The following MEIOSIN variants were observed in gnomAD, a reference collection of about 807,000 sequenced individuals.
MEIOSIN encodes meiosis initiator, also known as meiosis initiator protein.
In MEIOSIN, 18 loss-of-function variants were observed where a neutral mutation model predicts 23.4. The observed-to-expected ratio is 0.77, with a 90% confidence interval of 0.53 to 1.14. The LOEUF (loss-of-function observed/expected upper bound fraction) is 1.14, where lower values mean the gene tolerates loss of function less well. Among genes scored for constraint, MEIOSIN ranks in the 50% most tolerant of loss-of-function variants. MEIOSIN has a pLI of 0.00. For synonymous variants in MEIOSIN, 187 were observed against 100.6 expected (o/e 1.86, Z -5.14); for missense variants, 428 against 242.9 (o/e 1.76, Z -5.07).
chr19:45,744,405 T>C (rs945675988), intron 3 of MEIOSIN, among the ~76,000 whole-genome samples: 5 of 152,140 alleles, frequency 3.3e-5, no homozygotes, highest in South Asian at 2.1e-4. Context: ...GGCAGTCACA[T>C]AGGGCCCTGT....
intron 14 of MEIOSIN, among the ~76,000 whole-genome samples, chr19:45,763,741 C>T (rs1017495602): frequency 6.6e-5 from 10 of 152,202 alleles, no homozygotes; most frequent in Non-Finnish European, 1.0e-4. Flanking sequence ...CGAATCCTGT[C>T]CCCTCCACCT....
In MEIOSIN at chr19:45,758,908, T is replaced by C. The variant is rs1968888861; in HGVS notation, c.1043T>C (p.Ile348Thr). The change falls in exon 10 of 15, where the codon ATT becomes ACT. Residue 348 changes from isoleucine to threonine, a missense_variant. Transcript: ENST00000457052. ...CCACTGTTCCTGGGGCCTCCCCAGA[T>C]TGATGTCTGGAGTGGAACAGGCCAC... ...GSPLFLGPPQ[I>T]DVWSGTGHPS... is the part of the protein sequence containing the mutation. The C allele has an allele frequency of 1.4e-6, 1 of 703,096 alleles. No homozygotes were observed. The highest frequency in any genetic ancestry group is 1.5e-5 in the South Asian group (1 of 67,610). The allele number at this position is 703,096 out of a possible 1,614,324, so 43.6% of individuals were successfully genotyped here.
intron 7 of MEIOSIN, 80 bp from the exon 8 acceptor site, chr19:45,755,890 G>A: frequency 1.5e-6 from 1 of 650,366 alleles, no homozygotes; most frequent in Non-Finnish European, 2.8e-6. Flanking sequence ...GCAGAAGCTG[G>A]CACCCCTTTG....
rs537183704 is a variant in MEIOSIN, at chr19:45,762,752, T to C, written c.1679+569T>C. Among the ~76,000 whole-genome samples the C allele has an allele frequency of 2.6e-5, 4 of 152,202 alleles. No individual in the cohort carries two copies. The East Asian group carries it at 5.8e-4, about 22-fold the overall frequency. On this transcript the variant is annotated intron_variant, in intron 13 of 14. Transcript: ENST00000457052. ...CATCAGGCCCAGCAAGAAAAGAAAA[T>C]GAATTGGCTTATATAACCTAGAAAA...
At chr19:45,745,772 A>G (rs974180380) in intron 4 of MEIOSIN, among the ~76,000 whole-genome samples, 1 of 152,136 alleles carries the variant, frequency 6.6e-6, no homozygotes, top group African/African-American at 2.4e-5. Context: ...GGGTTTCACC[A>G]TATTGGTCAG....
intron 6 of MEIOSIN, 65 bp from the exon 7 acceptor site, chr19:45,754,414 C>T: frequency 1.5e-6 from 1 of 658,580 alleles, no homozygotes; most frequent in Admixed American, 2.2e-5. Flanking sequence ...CCCACCTGAA[C>T]CCTATTCTGG....
chr19:45,753,757 G>A lies in MEIOSIN; in HGVS notation c.525G>A (p.Lys175=). ...CCTGTCTCCAGGGGGCGTGCCAGAA[G>A]CCTCGGAAGAAGAAGCTGACCCAGG... is the stretch of plus-strand genomic sequence containing the variant. ...QKSCLQGACQ[K]PRKKKLTQAS... Residue 175 remains lysine, a synonymous_variant, in exon 6 of 15, where the codon AAG becomes AAA. Coordinates refer to ENST00000457052, the MANE Select transcript of MEIOSIN (RefSeq NM_001310124.2). 1.4e-6 allele frequency: 1 copy of A among 702,866 alleles called. No homozygotes were observed. Among genetic ancestry groups the A allele is most frequent in the Non-Finnish European group, 2.6e-6 (1 of 384,908 alleles). 43.5% of individuals were successfully genotyped at this position (702,866 alleles called of 1,614,324 possible).
In MEIOSIN at chr19:45,764,162, C is replaced by T. The variant is rs1969011167; in HGVS notation, c.*44C>T. On this transcript the variant is annotated 3_prime_UTR_variant, in exon 15 of 15. Coordinates refer to ENST00000457052, the MANE Select transcript of MEIOSIN (RefSeq NM_001310124.2). ...CGCTCCCCTCACCCCTCATGGCAAC[C>T]GCGGCTCTTGCTGGAAGCCAGGACC... The T allele has an allele frequency of 2.0e-5, 8 of 398,462 alleles. No homozygotes were observed. The highest frequency in any genetic ancestry group is 3.1e-5 in the Non-Finnish European group (7 of 226,032). 24.7% of individuals were successfully genotyped at this position (398,462 alleles called of 1,614,324 possible). A position where few individuals can be genotyped will look rare whatever the true frequency, so the allele number is the denominator to read the frequency against.
rs548806187 is a variant in MEIOSIN, at chr19:45,751,791, C to A, written c.418+1005C>A. Among the ~76,000 whole-genome samples the A allele has an allele frequency of 5.3e-5, 8 of 151,538 alleles. No homozygotes were observed. In the South Asian group the frequency reaches 1.7e-3, roughly 32 times the overall value. Reference sequence around the variant, plus strand: ...TGTTGCGCAGGCTGGAGTGCAGTGGCGTGATCTTGGCTCACCGCAACCTCT... The same window carrying A: ...TGTTGCGCAGGCTGGAGTGCAGTGGAGTGATCTTGGCTCACCGCAACCTCT... On this transcript the variant is annotated intron_variant, in intron 5 of 14. Transcript: ENST00000457052.
chr19:45,738,161 C>T (rs546773277), intron 2 of MEIOSIN, among the ~76,000 whole-genome samples: 3 of 152,194 alleles, frequency 2.0e-5, no homozygotes, highest in Non-Finnish European at 4.4e-5. Flanking sequence ...GATCAGATTT[C>T]TCCCTCCCTC....
intron 4 of MEIOSIN, among the ~76,000 whole-genome samples, chr19:45,745,804 TCAGGCGATCCATCCGCCTTGGCCTCCGA>T (rs1212400313): frequency 2.0e-5 from 3 of 152,204 alleles, no homozygotes; most frequent in African/African-American, 7.2e-5. Flanking sequence ...ATTCCTGACC[TCAGGCGATCCATCCGCCTTGGCCTCCGA>T]AAGTGCTGGG....
chr19:45,744,121 G>A (rs911836099), intron 3 of MEIOSIN, among the ~76,000 whole-genome samples: 1 of 151,522 alleles, frequency 6.6e-6, no homozygotes, highest in Non-Finnish European at 1.5e-5. Flanking sequence ...CCGCCTCTCA[G>A]GTTCAAGCAA....
intron 4 of MEIOSIN, among the ~76,000 whole-genome samples, chr19:45,745,873 A>G (rs1236045483): frequency 6.6e-6 from 1 of 151,472 alleles, no homozygotes; most frequent in Non-Finnish European, 1.5e-5. Context: ...TGGCCAGCCA[A>G]ATTTATTCTC....
At chr19:45,750,360 C>CTTTTT (rs11295860) in intron 4 of MEIOSIN, among the ~76,000 whole-genome samples, 1 of 98,504 alleles carries the variant, frequency 1.0e-5, no homozygotes, top group Non-Finnish European at 2.0e-5. Context: ...TTTTCTTTTT[C>CTTTTT]TTTTTTTTTT....
intron 4 of MEIOSIN, among the ~76,000 whole-genome samples, chr19:45,748,834 C>T (rs967808870): frequency 2.6e-5 from 4 of 151,854 alleles, no homozygotes; most frequent in Non-Finnish European, 5.9e-5. Context: ...TTTGGGAGGC[C>T]GAGGTGGGTG....
chr19:45,740,006 G>A (rs1019244801), intron 3 of MEIOSIN, among the ~76,000 whole-genome samples: 1 of 151,908 alleles, frequency 6.6e-6, no homozygotes, highest in African/African-American at 2.4e-5. Context: ...TGCCACCACG[G>A]CCAGCTAATT....
chr19:45,753,984 A>G (rs139545920), intron 6 of MEIOSIN, among the ~76,000 whole-genome samples, 196 bp downstream of exon 6: 2 of 151,990 alleles, frequency 1.3e-5, no homozygotes, highest in East Asian at 3.9e-4. Context: ...GAACCTGGGC[A>G]TCAGTATTTT....
chr19:45,759,962 C>T (rs914340695), intron 11 of MEIOSIN, among the ~76,000 whole-genome samples: 3 of 151,868 alleles, frequency 2.0e-5, no homozygotes, highest in East Asian at 2.0e-4. Flanking sequence ...TCACCACACC[C>T]GGCTAATTGT....
Position 45,761,928 on chromosome 19 carries a change from C to T in MEIOSIN, c.1435-11C>T. ...CCTCCTTCCTCTCTCACCACCCTCT[C>T]CCTCCCCCAGGATATGCAGGCCAAC... is the stretch of plus-strand genomic sequence containing the variant. On this transcript the variant is annotated splice_polypyrimidine_tract_variant and intron_variant, in intron 12 of 14. Coordinates refer to ENST00000457052, the MANE Select transcript of MEIOSIN (RefSeq NM_001310124.2). The T allele has an allele frequency of 3.3e-6, 2 of 602,154 alleles. No homozygotes were observed. Among genetic ancestry groups the T allele is most frequent in the Non-Finnish European group, 6.0e-6 (2 of 333,986 alleles). The allele number at this position is 602,154 out of a possible 1,614,324, so 37.3% of individuals were successfully genotyped here.
Sources: gnomAD v4.1 joint callset for allele counts (sites outside exome capture counted in the v4.1 genomes callset) on GRCh38, gnomAD v4.1.1 for gene constraint, MANE v1.5 for transcripts, NCBI Gene and HGNC (gene_info 2026-07-23, HGNC 2026-07-21) for gene names.